Variants in PRKCA observed in about 807,000 individuals in gnomAD.
The protein encoded by PRKCA is protein kinase C alpha type.
Under a neutral mutation model 87.0 loss-of-function variants are expected in PRKCA, and 27 were observed. The ratio of observed to expected loss-of-function variants is 0.31; its 90% CI spans 0.23 to 0.43. The LOEUF is 0.43. PRKCA is among the 20% of genes least tolerant of loss of function. The probability of loss-of-function intolerance (pLI) is 1.00; values close to 1 mark genes in which losing one functional copy is unlikely to be tolerated. For missense variants in PRKCA, 518 were observed against 852.3 expected (o/e 0.61, Z 4.88); for synonymous variants, 329 against 311.1 (o/e 1.06, Z -0.61).
At chr17:66,481,095 T>A (rs1444331175) in intron 2 of PRKCA, among the ~76,000 whole-genome samples, 3 of 152,130 alleles carry the variant, frequency 2.0e-5, no homozygotes, top group African/African-American at 7.2e-5. Context: ...ACTAGCGTCA[T>A]TTCTGCCACA....
At position 66,698,967 on chromosome 17, in the gene PRKCA, G is replaced by A. The variant is rs571305656; in HGVS notation, c.918+9920G>A. Among the ~76,000 whole-genome samples, 8 of 151,350 alleles carry A rather than the reference G, an allele frequency of 5.3e-5. No individual in the cohort carries two copies. The East Asian group carries it at 9.7e-4, about 18-fold the overall frequency. ...TGCACTCCAGCCTGGGTGACAGAGC[G>A]AGACTGTCTTAAAAAAAAGAAAAAA... On this transcript the variant is annotated intron_variant, in intron 8 of 16. Coordinates refer to ENST00000413366, the MANE Select transcript of PRKCA (RefSeq NM_002737.3).
At chr17:66,555,450 C>T (rs577091838) in intron 3 of PRKCA, among the ~76,000 whole-genome samples, 2 of 152,222 alleles carry the variant, frequency 1.3e-5, no homozygotes, top group African/African-American at 4.8e-5. Context: ...CCTTAACTTC[C>T]TTTGTGCCAC....
intron 14 of PRKCA, among the ~76,000 whole-genome samples, chr17:66,783,977 T>C (rs770940918): frequency 3.3e-5 from 5 of 152,234 alleles, no homozygotes; most frequent in Non-Finnish European, 7.3e-5. Flanking sequence ...GCATTTGGTT[T>C]GGTGCTCCGC....
At chr17:66,416,726 A>G (rs1912175422) in intron 2 of PRKCA, 1 of 152,096 alleles carries the variant, frequency 6.6e-6, no homozygotes, top group African/African-American at 2.4e-5. Flanking sequence ...TGGCAGCCTG[A>G]CTCTGAAGCC....
At chr17:66,348,707 G>C (rs764967803) in intron 2 of PRKCA, among the ~76,000 whole-genome samples, 1 of 152,114 alleles carries the variant, frequency 6.6e-6, no homozygotes, top group East Asian at 1.9e-4. Context: ...GTTAAGATGG[G>C]TTTGCATACT....
chr17:66,771,030 A>G (rs2144328436), intron 13 of PRKCA, among the ~76,000 whole-genome samples: 1 of 147,408 alleles, frequency 6.8e-6, no homozygotes, highest in Non-Finnish European at 1.5e-5. Flanking sequence ...TTGAGACAGC[A>G]TCTCACTCTG....
rs117522066 is a variant in PRKCA, at chr17:66,633,991, C to T, written c.289-7364C>T. ...GGAAATGTGATGCCCGGTCAGCATC[C>T]GAATTCTGCACAGTGTAGATCCATG... On this transcript the variant is annotated intron_variant, in intron 3 of 16. Coordinates refer to ENST00000413366, the MANE Select transcript of PRKCA (RefSeq NM_002737.3). Among the ~76,000 whole-genome samples, 170 of 152,204 alleles carry T rather than the reference C, an allele frequency of 1.1e-3. 2 individuals are homozygous for T. In the East Asian group the frequency reaches 0.03, roughly 27 times the overall value.
intron 2 of PRKCA, among the ~76,000 whole-genome samples, chr17:66,337,895 G>A (rs2143330517): frequency 6.6e-6 from 1 of 151,870 alleles, no homozygotes; most frequent in African/African-American, 2.4e-5. Flanking sequence ...TCACTTTGTG[G>A]CTTTCTATAA....
chr17:66,490,924 G>T (rs1362957280), intron 2 of PRKCA, among the ~76,000 whole-genome samples: 1 of 152,132 alleles, frequency 6.6e-6, no homozygotes, highest in Non-Finnish European at 1.5e-5. Flanking sequence ...TATTTGTTCT[G>T]TTTCTGAAAT....
rs554548259 is a variant in PRKCA at position 66,692,002 on chromosome 17, G to A, written c.918+2955G>A. Reference sequence around the variant, plus strand: ...AAACAAAATACAGGCCAGAGGACCTGAGCAAAACGAAGCATTTCTCTTGGG... The same window carrying A: ...AAACAAAATACAGGCCAGAGGACCTAAGCAAAACGAAGCATTTCTCTTGGG... On this transcript the variant is annotated intron_variant, in intron 8 of 16. Coordinates refer to ENST00000413366, the MANE Select transcript of PRKCA (RefSeq NM_002737.3). Among the ~76,000 whole-genome samples the A allele has an allele frequency of 1.1e-4, 16 of 152,348 alleles. 1 individual carries two copies. Among genetic ancestry groups the A allele is most frequent in the Middle Eastern group, 3.4e-3 (1 of 294 alleles).
intron 2 of PRKCA, among the ~76,000 whole-genome samples, chr17:66,474,929 C>G (rs1173262323): frequency 6.6e-6 from 1 of 152,162 alleles, no homozygotes; most frequent in Non-Finnish European, 1.5e-5. Context: ...TTCTCCATTT[C>G]CAGGTAGACC....
At chr17:66,446,387 C>T (rs985875405) in intron 2 of PRKCA, among the ~76,000 whole-genome samples, 1 of 152,166 alleles carries the variant, frequency 6.6e-6, no homozygotes, top group Admixed American at 6.5e-5. Flanking sequence ...TTCACCTTCT[C>T]CAGGATGGAA....
intron 13 of PRKCA, among the ~76,000 whole-genome samples, chr17:66,763,470 T>C (rs9893560): frequency 0.11 from 16,114 of 152,260 alleles, 961 homozygotes; most frequent in African/African-American, 0.15. Context: ...CAAATGGTGC[T>C]GTTTGGACGC....
chr17:66,680,201 T>C (rs1972451807), intron 5 of PRKCA, among the ~76,000 whole-genome samples: 2 of 152,176 alleles, frequency 1.3e-5, no homozygotes, highest in South Asian at 4.1e-4. Context: ...TCTTTTGCTG[T>C]GGGTAACTTC....
chr17:66,613,600 T>A (rs946688674), intron 3 of PRKCA, among the ~76,000 whole-genome samples: 2 of 152,078 alleles, frequency 1.3e-5, no homozygotes, highest in Non-Finnish European at 2.9e-5. Context: ...TCTTCCTGGC[T>A]TCTGGGGCCT....
chr17:66,650,994 G>A (rs1971578495), intron 5 of PRKCA, among the ~76,000 whole-genome samples: 1 of 152,156 alleles, frequency 6.6e-6, no homozygotes, highest in African/African-American at 2.4e-5. Context: ...GAGAATTCAG[G>A]CATGAAAAAG....
At chr17:66,701,887 A>G (rs1251608555) in intron 8 of PRKCA, among the ~76,000 whole-genome samples, 2 of 152,184 alleles carry the variant, frequency 1.3e-5, no homozygotes, top group Non-Finnish European at 2.9e-5. Context: ...CATATCAGTT[A>G]TGGAGAGACA....
chr17:66,509,058 A>G (rs191951239), intron 3 of PRKCA, among the ~76,000 whole-genome samples: 18 of 152,184 alleles, frequency 1.2e-4, no homozygotes, highest in Non-Finnish European at 2.1e-4. Flanking sequence ...CAGTGTACAC[A>G]CACTTAATAG....
At chr17:66,794,560 A>G (rs1975617777) in intron 16 of PRKCA, among the ~76,000 whole-genome samples, 1 of 151,718 alleles carries the variant, frequency 6.6e-6, no homozygotes, top group South Asian at 2.1e-4. Flanking sequence ...CAGGTTCCCT[A>G]AATGTGAACA....
Sources: allele counts gnomAD v4.1 joint callset (sites outside exome capture counted in the v4.1 genomes callset), GRCh38; gene constraint gnomAD v4.1.1; transcripts MANE v1.5; gene names NCBI Gene and HGNC (gene_info 2026-07-23, HGNC 2026-07-21).